The following NFIC variants were observed in gnomAD, a reference collection of about 807,000 sequenced individuals.
NFIC encodes nuclear factor I C, also known as nuclear factor 1 C-type.
Under a neutral mutation model 54.4 loss-of-function variants are expected in NFIC, and 12 were observed. The observed-to-expected ratio is 0.22, with a 90% CI of 0.14 to 0.36. NFIC has a LOEUF of 0.36. Ranked by LOEUF, NFIC falls within the 10% of genes least tolerant of loss-of-function variation. The probability of loss-of-function intolerance (pLI) is 1.00; values close to 1 mark genes in which losing one functional copy is unlikely to be tolerated. For synonymous variants in NFIC, 322 were observed against 319.2 expected (o/e 1.01, Z -0.09); for missense variants, 575 against 718.2 (o/e 0.80, Z 2.28).
rs753498431 is a variant in NFIC, at chr19:3,458,088, G to C, written c.1509+1453G>C. ...AGCCTTTGAAGGGCACTGGGGGACA[G>C]AAAGGGCACTGAAAGGTTCAGGCTT... On this transcript the variant is annotated intron_variant, in intron 10 of 10. Coordinates refer to ENST00000443272, the MANE Select transcript of NFIC (RefSeq NM_001245002.2). The surrounding 1 kb of genome is among the most constrained non-coding windows in gnomAD (Gnocchi z 4.1). 6.6e-6 allele frequency: 1 copy of C among 152,496 alleles called. No individual in the cohort carries two copies. 9.4% of individuals were successfully genotyped at this position (152,496 alleles called of 1,614,324 possible). A position where few individuals can be genotyped will look rare whatever the true frequency, so the allele number is the denominator to read the frequency against.
chr19:3,427,813 CAAAAAAA>C (rs35768795), intron 3 of NFIC, among the ~76,000 whole-genome samples: 28 of 76,840 alleles, frequency 3.6e-4, no homozygotes, highest in African/African-American at 1.3e-3. Context: ...GAGACTCTGT[CAAAAAAA>C]AAAAAAAAAA....
chr19:3,430,954 AAAAG>A (rs921778442), intron 3 of NFIC, among the ~76,000 whole-genome samples: 6 of 151,858 alleles, frequency 4.0e-5, no homozygotes, highest in East Asian at 1.9e-4. Context: ...AAAGAAAAGA[AAAAG>A]AAAGAAAGAA....
intron 1 of NFIC, chr19:3,371,641 T>C (rs868027954): frequency 2.0e-5 from 3 of 152,114 alleles, no homozygotes; most frequent in African/African-American, 7.2e-5. Context: ...ACACCTGGTA[T>C]ACAGTAGGTG....
At position 3,453,268 on chromosome 19, in the gene NFIC, G is replaced by A. The variant is rs1370109642; in HGVS notation, c.1270-495G>A. 6.6e-6 allele frequency among the ~76,000 whole-genome samples: 1 copy of A among 151,980 alleles called. No individual in the cohort carries two copies. The highest frequency in any genetic ancestry group is 1.5e-5 in the Non-Finnish European group (1 of 67,990). On this transcript the variant is annotated intron_variant, in intron 8 of 10. Transcript: ENST00000443272. The surrounding 1 kb of genome is among the most constrained non-coding windows in gnomAD (Gnocchi z 6.7). The stretch of plus-strand genomic sequence containing the variant: ...AGAAAAAAAAGGTTGGGGGGCGGGG[G>A]GCAGGAAGACATTGATTACAAAAAA...
At chr19:3,423,435 G>T (rs1203513721) in intron 2 of NFIC, among the ~76,000 whole-genome samples, 1 of 152,120 alleles carries the variant, frequency 6.6e-6, no homozygotes, top group Non-Finnish European at 1.5e-5. Context: ...GGGTCTGGCG[G>T]GTGGGCAGGA....
At chr19:3,446,329 G>A (rs540965603) in intron 6 of NFIC, among the ~76,000 whole-genome samples, 1 of 152,242 alleles carries the variant, frequency 6.6e-6, no homozygotes, top group South Asian at 2.1e-4. Context: ...TCACCCACAC[G>A]TGATTCTTGC....
rs1599565302 is a variant in NFIC, at chr19:3,375,137, G to A, written c.31-6575G>A. Among the ~76,000 whole-genome samples the A allele has an allele frequency of 6.7e-6, 1 of 148,896 alleles. No individual in the cohort carries two copies. The highest frequency in any genetic ancestry group is 2.6e-5 in the African/African-American group (1 of 39,156). ...GGGGAGGGGGAATTCAGAGAGAGAG[G>A]GGGGTTGGGGAGAGAAGGAGTTGGG... On this transcript the variant is annotated intron_variant, in intron 1 of 10. Transcript: ENST00000443272. The surrounding 1 kb of genome is among the most constrained non-coding windows in gnomAD (Gnocchi z 4.6).
At chr19:3,373,623 C>G (rs1481779389) in intron 1 of NFIC, among the ~76,000 whole-genome samples, 2 of 125,280 alleles carry the variant, frequency 1.6e-5, no homozygotes, top group Admixed American at 8.3e-5. Flanking sequence ...CTGGACCCCC[C>G]CCCCAAGCTA....
upstream of NFIC, among the ~76,000 whole-genome samples, chr19:3,365,817 A>C (rs2080872034): frequency 1.3e-5 from 2 of 151,794 alleles, no homozygotes; most frequent in South Asian, 4.1e-4. Flanking sequence ...AAGAGAGCAA[A>C]TTCTGGAGCC....
At chr19:3,445,039 A>G (rs1427134319) in intron 6 of NFIC, among the ~76,000 whole-genome samples, 1 of 152,174 alleles carries the variant, frequency 6.6e-6, no homozygotes, top group Non-Finnish European at 1.5e-5. Flanking sequence ...ACATACACAG[A>G]TATGAACGTG....
chr19:3,456,940 A>G (rs1031105130), intron 10 of NFIC: 37 of 434,162 alleles, frequency 8.5e-5, no homozygotes, highest in Non-Finnish European at 1.3e-4. Flanking sequence ...CCTGCTTCCC[A>G]TGGTATAGAT....
intron 2 of NFIC, among the ~76,000 whole-genome samples, chr19:3,395,442 G>A (rs915573468): frequency 6.6e-6 from 1 of 151,052 alleles, no homozygotes; most frequent in African/African-American, 2.4e-5. Flanking sequence ...TCCCACCTTA[G>A]CCTCCTAAGT....
chr19:3,425,055 C>T, intron 2 of NFIC, 51 bp from the exon 3 acceptor site: 1 of 1,597,576 alleles, frequency 6.3e-7, no homozygotes, highest in Non-Finnish European at 8.6e-7. Flanking sequence ...TCATCTGCTC[C>T]TGGGGTGGGG....
At chr19:3,454,622 C>T (rs2082523643) in intron 9 of NFIC, among the ~76,000 whole-genome samples, 1 of 152,062 alleles carries the variant, frequency 6.6e-6, no homozygotes, top group South Asian at 2.1e-4. Flanking sequence ...AGACTCTCCC[C>T]ACGACCCCCA....
intron 2 of NFIC, among the ~76,000 whole-genome samples, chr19:3,423,608 G>C (rs1274582112): frequency 6.6e-6 from 1 of 152,196 alleles, no homozygotes; most frequent in Non-Finnish European, 1.5e-5. Context: ...GGCTCCAGAG[G>C]GGGCGGATGT....
chr19:3,381,427 A>G (rs1160499121), intron 1 of NFIC, among the ~76,000 whole-genome samples: 1 of 149,574 alleles, frequency 6.7e-6, no homozygotes, highest in Non-Finnish European at 1.5e-5. Context: ...GATCCTCCAC[A>G]AACTTCCGCC....
chr19:3,423,068 C>T (rs56199956), intron 2 of NFIC, among the ~76,000 whole-genome samples: 16,121 of 151,932 alleles, frequency 0.11, 1,251 homozygotes, highest in African/African-American at 0.22. Flanking sequence ...CGTGATGACG[C>T]GCGCCTGTAA....
chr19:3,412,583 A>G (rs1455607214), intron 2 of NFIC, among the ~76,000 whole-genome samples: 1 of 152,118 alleles, frequency 6.6e-6, no homozygotes, highest in Non-Finnish European at 1.5e-5. Context: ...AGAGAGGTGC[A>G]GACAAAACTG....
chr19:3,435,193 A>G lies in NFIC; in HGVS notation c.944A>G (p.Glu315Gly), dbSNP rs749315577. The G allele has an allele frequency of 3.7e-6, 6 of 1,601,566 alleles. No homozygotes were observed. Among genetic ancestry groups the G allele is most frequent in the South Asian group, 1.1e-5 (1 of 89,176 alleles). ...ACGAGTAGCAGCCGCAACTGGACGG[A>G]GGACATGGAAGGAGGTAGGGCTGGT... Reference protein sequence around the residue: ...SPTSSSRNWTEDMEGGISSPV... With the variant: ...SPTSSSRNWTGDMEGGISSPV... The change falls in exon 6 of 11, where the codon GAG (glutamate) becomes GGG (glycine). Residue 315 changes from glutamate to glycine, a missense_variant. Glu to Gly is a moderately conservative substitution (Grantham distance 98). Around this residue, in one of 3 missense-constraint regions of NFIC, gnomAD observed 447 missense variants for 526.9 expected, o/e 0.85. Transcript: ENST00000443272.
Sources: allele counts gnomAD v4.1 joint callset (sites outside exome capture counted in the v4.1 genomes callset), GRCh38; gene constraint gnomAD v4.1.1; regional missense constraint gnomAD v4.1.1; non-coding constraint Gnocchi (gnomAD v3.1); transcripts MANE v1.5; gene names NCBI Gene and HGNC (gene_info 2026-07-23, HGNC 2026-07-21).